The following BRI3 variants were observed in gnomAD, a reference collection of about 807,000 sequenced individuals.
BRI3 encodes the protein membrane protein BRI3.
Under a neutral mutation model 12.8 loss-of-function variants are expected in BRI3, and 6 were observed. The ratio of observed to expected loss-of-function variants is 0.47; its 90% CI spans 0.26 to 0.93. BRI3 has a LOEUF of 0.93. Ranked by LOEUF, BRI3 falls within the 40% of genes least tolerant of loss-of-function variation. The probability of loss-of-function intolerance (pLI) is 0.15; values close to 1 mark genes in which losing one functional copy is unlikely to be tolerated. For missense variants in BRI3, 134 were observed against 171.1 expected (o/e 0.78, Z 1.21); for synonymous variants, 91 against 76.1 (o/e 1.20, Z -1.02).
chr7:98,319,163 G>T, the BRI3 span, among the ~76,000 whole-genome samples: 6 of 152,254 alleles, frequency 3.9e-5, no homozygotes, highest in South Asian at 1.2e-3. Context: ...CCACATGGGG[G>T]TCTGGGTGAG....
At chr7:98,292,976 C>T, downstream of BRI3, 2 of 1,193,506 alleles carry the variant, frequency 1.7e-6, no homozygotes, top group Non-Finnish European at 1.0e-6. Context: ...GGGGGTTTCT[C>T]CATCTCTGGA....
upstream of BRI3, chr7:98,304,094 C>G: frequency 7.8e-7 from 1 of 1,274,788 alleles, no homozygotes; most frequent in East Asian, 2.8e-5. Flanking sequence ...CCACTCTCCC[C>G]CTGGGGACAG....
At chr7:98,300,579 G>A (rs903106447) in intron 1 of BRI3, among the ~76,000 whole-genome samples, 1 of 152,162 alleles carries the variant, frequency 6.6e-6, no homozygotes, top group Non-Finnish European at 1.5e-5. Flanking sequence ...CCTGCCGTGG[G>A]CCTTGGACAG....
downstream of BRI3, chr7:98,292,730 G>A (rs1421409364): frequency 6.4e-6 from 10 of 1,551,544 alleles, no homozygotes; most frequent in East Asian, 4.9e-5. Context: ...CAGTTTGAGT[G>A]TACTGGTAAT....
At chr7:98,318,230 C>T in the BRI3 span, among the ~76,000 whole-genome samples, 21 of 152,222 alleles carry the variant, frequency 1.4e-4, no homozygotes, top group African/African-American at 4.8e-4. Flanking sequence ...GACATCTTCT[C>T]TTTCTTTTAT....
At chr7:98,290,181 GTTTTTTTTTTT>G (rs1180326213) in intron 2 of BRI3, among the ~76,000 whole-genome samples, 30 of 102,542 alleles carry the variant, frequency 2.9e-4, no homozygotes, top group African/African-American at 1.1e-3. Flanking sequence ...TCTCAAGGTT[GTTTTTTTTTTT>G]TTTTTTTTTT....
Position 98,289,270 on chromosome 7 carries a change from AGC to A in BRI3, c.246-1840_246-1839del, listed in dbSNP as rs540790336. Among the ~76,000 whole-genome samples, 746 of 152,324 alleles carry A rather than the reference AGC, an allele frequency of 4.9e-3. 3 individuals are homozygous for A. The highest frequency in any genetic ancestry group is 8.5e-3 in the Non-Finnish European group (575 of 68,026). On this transcript the variant is annotated intron_variant, in intron 2 of 2. Coordinates refer to ENST00000297290, the MANE Select transcript of BRI3 (RefSeq NM_015379.5). ...ACTGCACTTTGCAACTTTTTCTTTC[AGC>A]AGTGGAAAGCCCGACTTCAGAATAT...
intron 2 of BRI3, among the ~76,000 whole-genome samples, chr7:98,283,705 C>T (rs969267362): frequency 6.6e-6 from 1 of 152,194 alleles, no homozygotes; most frequent in Non-Finnish European, 1.5e-5. Flanking sequence ...CCCTGCCATC[C>T]CGGTGTCCAG....
intron 2 of BRI3, 62 bp from the exon 3 acceptor site, chr7:98,291,049 G>A: frequency 3.1e-6 from 5 of 1,594,822 alleles, no homozygotes; most frequent in Non-Finnish European, 4.3e-6. Context: ...GGGTGGCAGG[G>A]GTGAGGGTTC....
downstream of BRI3, among the ~76,000 whole-genome samples, chr7:98,294,721 A>G (rs1260595347): frequency 1.3e-5 from 2 of 152,240 alleles, no homozygotes; most frequent in African/African-American, 4.8e-5. Context: ...CTCCTGAAGC[A>G]TGACAAAGAA....
chr7:98,305,480 C>G (rs1215351978), upstream of BRI3, among the ~76,000 whole-genome samples: 1 of 152,162 alleles, frequency 6.6e-6, no homozygotes, highest in Non-Finnish European at 1.5e-5. Flanking sequence ...TGGAGGCCTT[C>G]TACCTGGCTA....
At chr7:98,320,994 C>G in the BRI3 span, among the ~76,000 whole-genome samples, 10 of 151,996 alleles carry the variant, frequency 6.6e-5, no homozygotes. Flanking sequence ...GTAGCTGGGA[C>G]TACAGGCGTG....
At chr7:98,286,657 T>C (rs1005701884) in intron 2 of BRI3, among the ~76,000 whole-genome samples, 8 of 152,296 alleles carry the variant, frequency 5.3e-5, no homozygotes, top group South Asian at 2.1e-4. Context: ...GCCCTGCAGC[T>C]TGGGGAGTCT....
chr7:98,311,968 A>G (rs2116877138), downstream of BRI3: 2 of 903,740 alleles, frequency 2.2e-6, no homozygotes, highest in East Asian at 5.0e-5. Context: ...GTAAGGGGAT[A>G]GAGGTGCGAA....
At chr7:98,320,085 C>T in the BRI3 span, 3 of 1,613,700 alleles carry the variant, frequency 1.9e-6, no homozygotes, top group Non-Finnish European at 2.5e-6. Context: ...CAAGTTCTAT[C>T]TTCTTCTCCA....
exon 2 of BRI3, chr7:98,307,920 A>AT: frequency 6.2e-7 from 1 of 1,611,492 alleles, no homozygotes; most frequent in South Asian, 1.1e-5. Context: ...TGTAGCAGTA[A>AT]TGGCTTTTCA....
chr7:98,288,306 G>A (rs1422646747), intron 2 of BRI3, among the ~76,000 whole-genome samples: 8 of 152,078 alleles, frequency 5.3e-5, no homozygotes, highest in African/African-American at 9.7e-5. Flanking sequence ...CCCCCACCTC[G>A]ACTGTGTGGT....
the BRI3 span, chr7:98,320,065 T>C: frequency 1.9e-6 from 3 of 1,613,214 alleles, no homozygotes; most frequent in Non-Finnish European, 2.5e-6. Flanking sequence ...TACGTTCATA[T>C]ATTTCACGTC....
intron 2 of BRI3, among the ~76,000 whole-genome samples, chr7:98,284,744 T>TG (rs1402122777): frequency 6.6e-6 from 1 of 152,216 alleles, no homozygotes; most frequent in Non-Finnish European, 1.5e-5. Context: ...AGGCCTTCGC[T>TG]GAAGCTGCCT....
Sources: gnomAD v4.1 joint callset for allele counts (sites outside exome capture counted in the v4.1 genomes callset) on GRCh38, gnomAD v4.1.1 for gene constraint, MANE v1.5 for transcripts, NCBI Gene and HGNC (gene_info 2026-07-23, HGNC 2026-07-21) for gene names.